PARVA: variants seen among roughly 807,000 people sequenced by gnomAD.
PARVA encodes the protein parvin alpha, also known as alpha-parvin.
In PARVA, 25 loss-of-function variants were observed where a neutral mutation model predicts 52.6. The ratio of observed to expected loss-of-function variants is 0.48; its 90% CI spans 0.35 to 0.66. The LOEUF (loss-of-function observed/expected upper bound fraction) is 0.66, where lower values mean the gene tolerates loss of function less well. Among genes scored for constraint, PARVA ranks in the 30% least tolerant of loss-of-function variants. The probability of loss-of-function intolerance (pLI) is 0.01; values close to 1 mark genes in which losing one functional copy is unlikely to be tolerated. For missense variants in PARVA, 373 were observed against 450.9 expected (o/e 0.83, Z 1.56); for synonymous variants, 185 against 179.1 (o/e 1.03, Z -0.26).
At chr11:12,490,060 C>G (rs1941213199) in intron 4 of PARVA, among the ~76,000 whole-genome samples, 1 of 151,720 alleles carries the variant, frequency 6.6e-6, no homozygotes, top group Non-Finnish European at 1.5e-5. Flanking sequence ...ATGAAAAATA[C>G]AAAAAATTAG....
At chr11:12,454,465 C>T (rs61875562) in intron 1 of PARVA, among the ~76,000 whole-genome samples, 1 of 151,512 alleles carries the variant, frequency 6.6e-6, no homozygotes, top group Non-Finnish European at 1.5e-5. Context: ...TTCAGATGGA[C>T]ATTATTCTGA....
chr11:12,440,344 G>C (rs745950666), intron 1 of PARVA, among the ~76,000 whole-genome samples: 13 of 152,160 alleles, frequency 8.5e-5, no homozygotes, highest in Non-Finnish European at 1.5e-4. Flanking sequence ...AGAAGCTAAG[G>C]GGGAGAGTCC....
Position 12,528,110 on chromosome 11 carries a change from C to T in PARVA, c.*185C>T. ...AATCATCAATAACTCAGTGGGCTGA[C>T]CCATCCCTCCCAGGCGCTGGGGACC... On this transcript the variant is annotated 3_prime_UTR_variant, in exon 13 of 13. Coordinates refer to ENST00000334956, the MANE Select transcript of PARVA (RefSeq NM_018222.5). 3.4e-6 allele frequency: 2 copies of T among 592,812 alleles called. No homozygotes were observed. Among genetic ancestry groups the T allele is most frequent in the Non-Finnish European group, 6.1e-6 (2 of 329,308 alleles). The allele number at this position is 592,812 out of a possible 1,614,324, so 36.7% of individuals were successfully genotyped here.
Position 12,528,410 on chromosome 11 carries a change from C to CTTTTTTCCTCT in PARVA, c.*487_*488insTTTTCCTCTTT, listed in dbSNP as rs1358516164. ...AAACTAAGGCTTGGAGGTTAAATGA[C>CTTTTTTCCTCT]TTGCCAGAAGTTGGAATTTTTTTCC... is the stretch of plus-strand genomic sequence containing the variant. On this transcript the variant is annotated 3_prime_UTR_variant, in exon 13 of 13. Transcript: ENST00000334956. 7 of 157,948 alleles carry CTTTTTTCCTCT rather than the reference C, an allele frequency of 4.4e-5. No homozygotes were observed. The highest frequency in any genetic ancestry group is 1.2e-4 in the Admixed American group (2 of 16,536). 9.8% of individuals were successfully genotyped at this position (157,948 alleles called of 1,614,324 possible). A position where few individuals can be genotyped will look rare whatever the true frequency, so the allele number is the denominator to read the frequency against.
chr11:12,402,719 T>C (rs1451550499), intron 1 of PARVA, among the ~76,000 whole-genome samples: 1 of 152,202 alleles, frequency 6.6e-6, no homozygotes, highest in African/African-American at 2.4e-5. Flanking sequence ...CTGTTTTCCT[T>C]CTTCACAATT....
upstream of PARVA, chr11:12,376,665 C>T: frequency 1.1e-6 from 1 of 907,232 alleles, no homozygotes; most frequent in Non-Finnish European, 1.3e-6. Context: ...ACACAGTTGC[C>T]AAGGTGCTGT....
intron 6 of PARVA, among the ~76,000 whole-genome samples, chr11:12,506,727 G>A (rs1941435442): frequency 6.6e-6 from 1 of 152,174 alleles, no homozygotes; most frequent in Non-Finnish European, 1.5e-5. Flanking sequence ...GGGTGTTTTT[G>A]CTTTATCAAG....
At chr11:12,398,518 C>T (rs975369310) in intron 1 of PARVA, among the ~76,000 whole-genome samples, 2 of 148,964 alleles carry the variant, frequency 1.3e-5, no homozygotes, top group African/African-American at 4.9e-5. Context: ...AGAAATGAGA[C>T]ACAGGGCATT....
chr11:12,477,916 T>C lies in PARVA; in HGVS notation c.367T>C (p.Leu123=), dbSNP rs751603811. ...CATTGTGAAAGACCTAGCTGAAGAT[T>C]TGTATGATGGACAAGTCCTGCAGAA... ...RIIVKDLAED[L]YDGQVLQKLF... Residue 123 remains leucine (L), a synonymous_variant, in exon 4 of 13, where the codon TTG becomes CTG. Coordinates refer to ENST00000334956, the MANE Select transcript of PARVA (RefSeq NM_018222.5). The C allele has an allele frequency of 3.1e-6, 5 of 1,609,898 alleles. No homozygotes were observed. The highest frequency in any genetic ancestry group is 1.1e-5 in the South Asian group (1 of 90,996).
At chr11:12,406,555 C>T (rs376675105) in intron 1 of PARVA, among the ~76,000 whole-genome samples, 4 of 151,284 alleles carry the variant, frequency 2.6e-5, no homozygotes, top group African/African-American at 4.9e-5. Context: ...TAACACCAAA[C>T]GTTCTACAAG....
intron 1 of PARVA, among the ~76,000 whole-genome samples, chr11:12,380,862 CAA>C (rs1939475190): frequency 6.6e-6 from 1 of 152,176 alleles, no homozygotes; most frequent in Non-Finnish European, 1.5e-5. Flanking sequence ...TCAGCTTACT[CAA>C]AGACATTTTT....
In PARVA at chr11:12,529,331, G is replaced by A. The variant is rs1941743987; in HGVS notation, c.*1406G>A. On this transcript the variant is annotated 3_prime_UTR_variant, in exon 13 of 13. Coordinates refer to ENST00000334956, the MANE Select transcript of PARVA (RefSeq NM_018222.5). Reference sequence around the variant, plus strand: ...CTGTAAGAATAGGGAAGGGCGGAGGGGGGTGGGCAGTGACTAGGGGACGAG... The same window carrying A: ...CTGTAAGAATAGGGAAGGGCGGAGGAGGGTGGGCAGTGACTAGGGGACGAG... 6.6e-6 allele frequency: 1 copy of A among 152,196 alleles called. No homozygotes were observed. The highest frequency in any genetic ancestry group is 6.5e-5 in the Admixed American group (1 of 15,276). The allele number at this position is 152,196 out of a possible 1,614,324, so 9.4% of individuals were successfully genotyped here.
intron 12 of PARVA, among the ~76,000 whole-genome samples, chr11:12,526,889 C>CAGA (rs1398694126): frequency 6.6e-6 from 1 of 151,796 alleles, no homozygotes; most frequent in Non-Finnish European, 1.5e-5. Flanking sequence ...GAGGAGCCAG[C>CAGA]AGAGGGTTAG....
chr11:12,438,310 G>A (rs1940417151), intron 1 of PARVA, among the ~76,000 whole-genome samples: 1 of 151,702 alleles, frequency 6.6e-6, no homozygotes, highest in Admixed American at 6.6e-5. Context: ...TTGGCTCATG[G>A]TTGTGGAGGC....
At chr11:12,453,840 A>T (rs1457001361) in intron 1 of PARVA, among the ~76,000 whole-genome samples, 1 of 152,180 alleles carries the variant, frequency 6.6e-6, no homozygotes, top group Non-Finnish European at 1.5e-5. Context: ...GCTCTAAGCA[A>T]CCTTCAGCCA....
In PARVA at chr11:12,530,363, A is replaced by T. The variant is rs1451536959; in HGVS notation, c.*2438A>T. On this transcript the variant is annotated 3_prime_UTR_variant, in exon 13 of 13. Coordinates refer to ENST00000334956, the MANE Select transcript of PARVA (RefSeq NM_018222.5). ...GCAAAAGAGGAATCAAGAATAAATA[A>T]AACAAACTTAATCTTCATCTTTAAA... 5 of 152,182 alleles carry T rather than the reference A, an allele frequency of 3.3e-5. No individual in the cohort carries two copies. The highest frequency in any genetic ancestry group is 7.3e-5 in the Non-Finnish European group (5 of 68,036). 9.4% of individuals were successfully genotyped at this position (152,182 alleles called of 1,614,324 possible).
At chr11:12,482,477 T>C (rs11022369) in intron 4 of PARVA, among the ~76,000 whole-genome samples, 52,290 of 151,524 alleles carry the variant, frequency 0.35, 10,763 homozygotes, top group East Asian at 0.56. Flanking sequence ...AATACAAAAA[T>C]TAGCCAGGCG....
chr11:12,434,220 G>A (rs1940356005), intron 1 of PARVA, among the ~76,000 whole-genome samples: 1 of 152,120 alleles, frequency 6.6e-6, no homozygotes, highest in Non-Finnish European at 1.5e-5. Flanking sequence ...GCAGTGGGGG[G>A]CAAGGCCCAC....
At chr11:12,455,416 T>C (rs547030494) in intron 1 of PARVA, among the ~76,000 whole-genome samples, 2 of 152,286 alleles carry the variant, frequency 1.3e-5, no homozygotes, top group South Asian at 4.2e-4. Context: ...CCTCCAGAGG[T>C]GAGTAGCAAT....
Sources: allele counts gnomAD v4.1 joint callset (sites outside exome capture counted in the v4.1 genomes callset), GRCh38; gene constraint gnomAD v4.1.1; transcripts MANE v1.5; gene names NCBI Gene and HGNC (gene_info 2026-07-23, HGNC 2026-07-21).